Variants in CORIN observed in about 807,000 individuals in gnomAD.
CORIN encodes the protein corin, serine peptidase, also known as atrial natriuretic peptide-converting enzyme.
In CORIN, 117 loss-of-function variants were observed where a neutral mutation model predicts 125.3. That is an observed-to-expected ratio of 0.93 (90% CI 0.80 to 1.09). The LOEUF (loss-of-function observed/expected upper bound fraction) is 1.09. Among genes scored for constraint, CORIN ranks in the 50% least tolerant of loss-of-function variants. The pLI is 0.00. For synonymous variants in CORIN, 450 were observed against 466.4 expected, an observed-to-expected ratio of 0.96 and a Z score of 0.45; for missense variants, 1,253 against 1,306.7, an observed-to-expected ratio of 0.96 and a Z score of 0.63.
chr4:47,703,160 A>AG (rs1306918586), intron 5 of CORIN, among the ~76,000 whole-genome samples: 1 of 152,186 alleles, frequency 6.6e-6, no homozygotes, highest in Admixed American at 6.5e-5. Context: ...CTGAAGCCCT[A>AG]GGTCAGCACT....
At chr4:47,804,246 C>T (rs1731668446) in intron 2 of CORIN, among the ~76,000 whole-genome samples, 1 of 152,160 alleles carries the variant, frequency 6.6e-6, no homozygotes, top group African/African-American at 2.4e-5. Context: ...AAGCATTGTA[C>T]ACTGTTGATG....
chr4:47,729,630 TGG>T (rs1727768407), intron 5 of CORIN, among the ~76,000 whole-genome samples: 1 of 152,120 alleles, frequency 6.6e-6, no homozygotes, highest in African/African-American at 2.4e-5. Flanking sequence ...GTGGAAATGC[TGG>T]GTAGAAGAGG....
intron 4 of CORIN, among the ~76,000 whole-genome samples, chr4:47,760,522 G>C (rs1312997453): frequency 6.6e-6 from 1 of 152,118 alleles, no homozygotes; most frequent in African/African-American, 2.4e-5. Flanking sequence ...TCAGTAAACA[G>C]GTGTGCTGTC....
At chr4:47,747,044 G>A (rs192817392) in intron 4 of CORIN, among the ~76,000 whole-genome samples, 2 of 152,084 alleles carry the variant, frequency 1.3e-5, no homozygotes, top group East Asian at 1.9e-4. Flanking sequence ...TAGGCTTGTC[G>A]TTGGTGTTCC....
At chr4:47,625,428 T>C (rs551971282) in intron 17 of CORIN, among the ~76,000 whole-genome samples, 9 of 152,072 alleles carry the variant, frequency 5.9e-5, no homozygotes, top group African/African-American at 1.2e-4. Flanking sequence ...GAATGCATTA[T>C]TTATTTATTT....
intron 5 of CORIN, among the ~76,000 whole-genome samples, chr4:47,705,665 AT>A (rs1726517631): frequency 6.6e-6 from 1 of 152,236 alleles, no homozygotes; most frequent in Non-Finnish European, 1.5e-5. Flanking sequence ...CCCAAAAGCC[AT>A]AGTCAAAATG....
intron 1 of CORIN, among the ~76,000 whole-genome samples, chr4:47,830,137 T>A (rs1434392032): frequency 6.6e-6 from 1 of 152,134 alleles, no homozygotes; most frequent in Non-Finnish European, 1.5e-5. Context: ...ATGAAAATCA[T>A]GTACTGTCAA....
intron 1 of CORIN, among the ~76,000 whole-genome samples, chr4:47,825,319 C>T (rs1732694585): frequency 6.6e-6 from 1 of 152,178 alleles, no homozygotes; most frequent in South Asian, 2.1e-4. Flanking sequence ...GTCCCCCTTG[C>T]AGGCGAGGTA....
chr4:47,789,990 C>A (rs1249389105), intron 2 of CORIN, among the ~76,000 whole-genome samples: 6 of 152,152 alleles, frequency 3.9e-5, no homozygotes, highest in Non-Finnish European at 8.8e-5. Context: ...CCACTGCACT[C>A]CAGCCTGGGA....
chr4:47,775,267 G>A (rs573474563), intron 3 of CORIN, among the ~76,000 whole-genome samples: 6 of 151,330 alleles, frequency 4.0e-5, no homozygotes, highest in South Asian at 4.2e-4. Flanking sequence ...TGTGCACAAC[G>A]TACAGGTTTT....
At chr4:47,669,778 C>T (rs1724659410) in intron 10 of CORIN, among the ~76,000 whole-genome samples, 2 of 152,154 alleles carry the variant, frequency 1.3e-5, no homozygotes, top group South Asian at 4.2e-4. Context: ...ACCATGTTAG[C>T]CAGGATGGTC....
Position 47,595,665 on chromosome 4 carries a change from C to A in CORIN, c.*56G>T. ...CTCTCTGCAGGCAGCTCTTCACAGT[C>A]AAGAAGGCCATTTTCTTTTAGTGTA... On this transcript the variant is annotated 3_prime_UTR_variant, in exon 22 of 22. Transcript: ENST00000273857. 1 of 1,446,306 alleles carries A rather than the reference C, an allele frequency of 6.9e-7. No individual in the cohort carries two copies. The highest frequency in any genetic ancestry group is 1.4e-5 in the South Asian group (1 of 73,214). The allele number at this position is 1,446,306 out of a possible 1,614,324, so 89.6% of individuals were successfully genotyped here.
At chr4:47,709,273 T>TATTTGCAG (rs1419563869) in intron 5 of CORIN, among the ~76,000 whole-genome samples, 1 of 18,744 alleles carries the variant, frequency 5.3e-5, no homozygotes, top group East Asian at 0.019. Context: ...TTGCAGTACT[T>TATTTGCAG]TATTTATTTA....
intron 12 of CORIN, among the ~76,000 whole-genome samples, chr4:47,659,713 A>G (rs926702074): frequency 6.6e-6 from 1 of 152,190 alleles, no homozygotes; most frequent in African/African-American, 2.4e-5. Flanking sequence ...ATCAGGCCCC[A>G]ACTCCAACAC....
At chr4:47,743,996 G>T (rs1728538929) in intron 5 of CORIN, among the ~76,000 whole-genome samples, 1 of 152,162 alleles carries the variant, frequency 6.6e-6, no homozygotes, top group Non-Finnish European at 1.5e-5. Flanking sequence ...ATATATTTTG[G>T]TTCAATCATA....
At chr4:47,623,780 A>C in intron 18 of CORIN, 35 bp from the exon 19 acceptor site, 1 of 1,602,266 alleles carries the variant, frequency 6.2e-7, no homozygotes, top group Non-Finnish European at 8.5e-7. Flanking sequence ...TTGTGAGTTG[A>C]TGCCAAACCT....
chr4:47,644,656 A>G (rs1472878859), intron 14 of CORIN, among the ~76,000 whole-genome samples: 2 of 152,200 alleles, frequency 1.3e-5, no homozygotes, highest in Admixed American at 1.3e-4. Flanking sequence ...ATCTTTTTCT[A>G]TGTGTAGATA....
chr4:47,596,099 T>G lies in CORIN; in HGVS notation c.2947-196A>C, dbSNP rs563504142. Reference sequence around the variant, plus strand: ...GAACTTTCAAATAAACATCTTAAACTCTGATCATTAAAAGGGTGGAGTGGC... The same window carrying G: ...GAACTTTCAAATAAACATCTTAAACGCTGATCATTAAAAGGGTGGAGTGGC... On this transcript the variant is annotated intron_variant, in intron 21 of 21. Coordinates refer to ENST00000273857, the MANE Select transcript of CORIN (RefSeq NM_006587.4). Among the ~76,000 whole-genome samples, 7 of 152,320 alleles carry G rather than the reference T, an allele frequency of 4.6e-5. No individual in the cohort carries two copies. In the South Asian group the frequency reaches 1.4e-3, roughly 32 times the overall value.
chr4:47,669,864 C>T (rs753795467), intron 10 of CORIN, among the ~76,000 whole-genome samples: 18 of 152,256 alleles, frequency 1.2e-4, no homozygotes, highest in Middle Eastern at 3.4e-3. Flanking sequence ...CCACCGCACC[C>T]GGCTTCTTTA....
Sources: gnomAD v4.1 joint callset for allele counts (sites outside exome capture counted in the v4.1 genomes callset) on GRCh38, gnomAD v4.1.1 for gene constraint, MANE v1.5 for transcripts, NCBI Gene and HGNC (gene_info 2026-07-23, HGNC 2026-07-21) for gene names.